The following PALLD variants were observed in gnomAD, a reference collection of about 807,000 sequenced individuals.
PALLD encodes palladin.
PALLD carries 61 observed loss-of-function variants against 123.5 expected under a neutral mutation model. The observed-to-expected ratio is 0.49, with a 90% CI of 0.40 to 0.61. PALLD has a LOEUF of 0.61. PALLD is among the 20% of genes least tolerant of loss of function. PALLD has a pLI of 0.00. For missense variants in PALLD, 1,273 were observed against 1,377.0 expected (o/e 0.92, Z 1.20); for synonymous variants, 465 against 496.4 (o/e 0.94, Z 0.84).
At chr4:168,669,521 C>G (rs1317596772) in intron 3 of PALLD, among the ~76,000 whole-genome samples, 1 of 152,112 alleles carries the variant, frequency 6.6e-6, no homozygotes, top group East Asian at 1.9e-4. Context: ...ATTGCTTGAG[C>G]CCATGAGGTC....
intron 2 of PALLD, among the ~76,000 whole-genome samples, chr4:168,625,502 G>GATAGATATATATAGATATAT: frequency 8.7e-6 from 1 of 114,430 alleles, no homozygotes; most frequent in Non-Finnish European, 1.8e-5. Flanking sequence ...ATATCCAGGA[G>GATAGATATATATAGATATAT]ATATATATAT....
intron 2 of PALLD, among the ~76,000 whole-genome samples, chr4:168,520,327 C>CAAAAAAA (rs1554034658): frequency 9.8e-6 from 1 of 101,620 alleles, no homozygotes; most frequent in Non-Finnish European, 1.9e-5. Context: ...ATTCCGTCAC[C>CAAAAAAA]AAAAAAAAAA....
At chr4:168,537,580 C>A (rs1765214888) in intron 2 of PALLD, 1 of 152,138 alleles carries the variant, frequency 6.6e-6, no homozygotes, top group South Asian at 2.1e-4. Flanking sequence ...AGCAGAAATT[C>A]CTCATATTGA....
chr4:168,634,198 C>G (rs144552896), intron 2 of PALLD, among the ~76,000 whole-genome samples: 1 of 152,194 alleles, frequency 6.6e-6, no homozygotes, highest in Admixed American at 6.5e-5. Flanking sequence ...CTTTCAAAGC[C>G]TATCAAGTGA....
intron 2 of PALLD, among the ~76,000 whole-genome samples, chr4:168,622,873 T>G (rs1193494762): frequency 6.6e-6 from 1 of 152,202 alleles, no homozygotes; most frequent in Non-Finnish European, 1.5e-5. Context: ...AAGACCACAC[T>G]CAAGCTGTTC....
intron 2 of PALLD, among the ~76,000 whole-genome samples, chr4:168,663,314 G>A (rs1339738293): frequency 6.6e-6 from 1 of 152,202 alleles, no homozygotes; most frequent in Non-Finnish European, 1.5e-5. Context: ...AGGCCAAGGA[G>A]CAAGGGGGAA....
chr4:168,533,175 T>C (rs1452803114), intron 2 of PALLD, among the ~76,000 whole-genome samples: 1 of 152,204 alleles, frequency 6.6e-6, no homozygotes, highest in Admixed American at 6.5e-5. Flanking sequence ...ACTTTCTACC[T>C]TGCTGTTGTT....
intron 2 of PALLD, among the ~76,000 whole-genome samples, chr4:168,616,472 C>T (rs892673941): frequency 7.9e-5 from 12 of 152,156 alleles, no homozygotes; most frequent in African/African-American, 2.9e-4. Flanking sequence ...ACTGTGGATA[C>T]TACAGAAGCA....
chr4:168,528,319 C>T (rs147952847), intron 2 of PALLD, among the ~76,000 whole-genome samples: 5 of 152,324 alleles, frequency 3.3e-5, no homozygotes, highest in Non-Finnish European at 4.4e-5. Context: ...TATTATTTCT[C>T]GCTGTTTGCT....
At chr4:168,758,775 A>T (rs1274524124) in intron 10 of PALLD, among the ~76,000 whole-genome samples, 1 of 151,838 alleles carries the variant, frequency 6.6e-6, no homozygotes, top group Non-Finnish European at 1.5e-5. Flanking sequence ...CACATCCCCC[A>T]CTTGTGCATA....
intron 2 of PALLD, among the ~76,000 whole-genome samples, chr4:168,576,237 T>C (rs1769565887): frequency 6.6e-6 from 1 of 152,060 alleles, no homozygotes; most frequent in South Asian, 2.1e-4. Context: ...TTCTTTTTTT[T>C]TCTTTTTTTA....
chr4:168,587,639 T>A (rs1460421837), intron 2 of PALLD, among the ~76,000 whole-genome samples: 2 of 152,152 alleles, frequency 1.3e-5, no homozygotes, highest in Admixed American at 6.5e-5. Flanking sequence ...GCTAAGGTTA[T>A]CCCTGGCCAG....
At chr4:168,735,215 G>A (rs1357038130) in intron 10 of PALLD, among the ~76,000 whole-genome samples, 3 of 152,076 alleles carry the variant, frequency 2.0e-5, no homozygotes, top group Non-Finnish European at 2.9e-5. Context: ...TGGCAGACAG[G>A]CATCCGCACC....
At chr4:168,677,167 C>T (rs867890466) in intron 3 of PALLD, among the ~76,000 whole-genome samples, 66 of 151,560 alleles carry the variant, frequency 4.4e-4, no homozygotes, top group African/African-American at 1.5e-3. Context: ...CCTGAGACTC[C>T]GTAGTGTTGT....
intron 1 of PALLD, among the ~76,000 whole-genome samples, chr4:168,502,751 A>C (rs1325127401): frequency 3.3e-5 from 5 of 152,124 alleles, no homozygotes; most frequent in Non-Finnish European, 7.4e-5. Flanking sequence ...ATATATTTTA[A>C]AATTTAGCCA....
chr4:168,822,344 T>C (rs1561562602), intron 10 of PALLD, among the ~76,000 whole-genome samples: 1 of 151,966 alleles, frequency 6.6e-6, no homozygotes, highest in Non-Finnish European at 1.5e-5. Context: ...GAAGTTGAAA[T>C]TGAAAAGGAA....
At chr4:168,619,519 G>A (rs2710848) in intron 2 of PALLD, among the ~76,000 whole-genome samples, 109,965 of 152,172 alleles carry the variant, frequency 0.72, 40,535 homozygotes, top group Admixed American at 0.84. Flanking sequence ...CCAGTTAGGA[G>A]GCTCTTCAGG....
At chr4:168,772,941 T>C (rs764141878) in intron 10 of PALLD, among the ~76,000 whole-genome samples, 1 of 152,014 alleles carries the variant, frequency 6.6e-6, no homozygotes, top group Non-Finnish European at 1.5e-5. Context: ...TCATGCTTGC[T>C]CTCTTGGGCA....
chr4:168,528,109 T>C (rs62333839), intron 2 of PALLD, among the ~76,000 whole-genome samples: 13,169 of 152,244 alleles, frequency 0.086, 814 homozygotes, highest in Non-Finnish European at 0.12. Flanking sequence ...TGAGTTTTAG[T>C]GTGCCCTCTC....
Sources: allele counts gnomAD v4.1 joint callset (sites outside exome capture counted in the v4.1 genomes callset), GRCh38; gene constraint gnomAD v4.1.1; transcripts MANE v1.5; gene names NCBI Gene and HGNC (gene_info 2026-07-23, HGNC 2026-07-21).